The following GGA2 variants were observed in gnomAD, a reference collection of about 807,000 sequenced individuals.
The protein encoded by GGA2 is golgi associated, gamma adaptin ear containing, ARF binding protein 2.
In GGA2, 48 loss-of-function variants were observed where a neutral mutation model predicts 79.5. The ratio of observed to expected loss-of-function variants is 0.60; its 90% CI spans 0.48 to 0.77. The LOEUF (loss-of-function observed/expected upper bound fraction) is 0.77, where lower values mean the gene tolerates loss of function less well. Among genes scored for constraint, GGA2 ranks in the 30% least tolerant of loss-of-function variants. GGA2 has a pLI of 0.00. For synonymous variants in GGA2, 317 were observed against 302.0 expected (o/e 1.05, Z -0.51); for missense variants, 770 against 774.0 (o/e 0.99, Z 0.06).
intron 1 of GGA2, among the ~76,000 whole-genome samples, chr16:23,502,097 T>G (rs1439082226): frequency 1.3e-5 from 2 of 152,214 alleles, no homozygotes; most frequent in African/African-American, 4.8e-5. Context: ...GCTCCAGATT[T>G]GTGAGAGCAC....
upstream of GGA2, among the ~76,000 whole-genome samples, chr16:23,514,502 C>G (rs553469819): frequency 6.6e-6 from 1 of 152,008 alleles, no homozygotes; most frequent in East Asian, 1.9e-4. Context: ...GGCTGGAGTT[C>G]CGTGGCACCA....
At chr16:23,512,812 C>G (rs2142149907), upstream of GGA2, among the ~76,000 whole-genome samples, 1 of 147,892 alleles carries the variant, frequency 6.8e-6, no homozygotes, top group South Asian at 2.1e-4. Flanking sequence ...TCAAGTGATT[C>G]CCCTGCCTCA....
At chr16:23,478,950 TCC>T (rs1487694144) in intron 11 of GGA2, 39 bp from the exon 12 acceptor site, 16 of 1,385,974 alleles carry the variant, frequency 1.2e-5, no homozygotes, top group Non-Finnish European at 1.6e-5. Context: ...TAACAGTAAC[TCC>T]ACCTGCTTCC....
In GGA2 at chr16:23,491,797, G is replaced by A. The variant is rs1486917347; in HGVS notation, c.355C>T (p.Leu119=). 2 of 1,607,162 alleles carry A rather than the reference G, an allele frequency of 1.2e-6. No individual in the cohort carries two copies. Among genetic ancestry groups the A allele is most frequent in the Non-Finnish European group, 1.7e-6 (2 of 1,174,136 alleles). Residue 119 remains leucine (L), a synonymous_variant, in exon 5 of 17, where the codon CTG becomes TTG. Transcript: ENST00000309859. ...ELIKVLSPKY[L]GSWATGKVKG... is the part of the protein sequence containing the mutation. ...ACTTTTCCTGTGGCCCAGGACCCCA[G>A]GTACTGAAAGTAAAAAGGAAAGAGA...
rs1361677368 is a variant in GGA2 at position 23,464,358 on chromosome 16, A to G, written c.*3232T>C. 1 of 152,170 alleles carries G rather than the reference A, an allele frequency of 6.6e-6. No homozygotes were observed. Among genetic ancestry groups the G allele is most frequent in the Non-Finnish European group, 1.5e-5 (1 of 68,028 alleles). 9.4% of individuals were successfully genotyped at this position (152,170 alleles called of 1,614,324 possible). ...AAGGACTTTATTGTGGCTGTGGTGA[A>G]GCAGGCCCTGGTCTTGGCAGATGAT... On this transcript the variant is annotated 3_prime_UTR_variant, in exon 17 of 17. Transcript: ENST00000309859.
intron 5 of GGA2, among the ~76,000 whole-genome samples, chr16:23,491,305 T>TG (rs1964782506): frequency 8.1e-5 from 3 of 37,098 alleles, no homozygotes; most frequent in Non-Finnish European, 1.3e-4. Context: ...ACACCTTGTC[T>TG]CAAAAAAAAA....
intron 1 of GGA2, chr16:23,501,265 C>A: frequency 4.4e-6 from 2 of 454,498 alleles, no homozygotes; most frequent in South Asian, 3.1e-5. Context: ...ATGGTAGCAT[C>A]GCTCTGTGTC....
intron 11 of GGA2, 118 bp downstream of exon 11, chr16:23,479,645 CTT>C: frequency 1.7e-6 from 2 of 1,188,342 alleles, no homozygotes; most frequent in Non-Finnish European, 2.4e-6. Context: ...CCAGCTCACT[CTT>C]CCTATTCACA....
In GGA2 at chr16:23,486,168, G is replaced by C; in HGVS notation, c.661-16C>G. On this transcript the variant is annotated splice_polypyrimidine_tract_variant and intron_variant, in intron 7 of 16. Transcript: ENST00000309859. ...TTTCTTGTTCCTTTTGGGAAAAAGA[G>C]GAGGATGGGAGTGAGGGAGCAGAAA... The C allele has an allele frequency of 6.2e-7, 1 of 1,612,890 alleles. No individual in the cohort carries two copies. Among genetic ancestry groups the C allele is most frequent in the Non-Finnish European group, 8.5e-7 (1 of 1,178,930 alleles).
At chr16:23,498,414 T>G (rs1964882132) in intron 1 of GGA2, among the ~76,000 whole-genome samples, 1 of 151,820 alleles carries the variant, frequency 6.6e-6, no homozygotes, top group African/African-American at 2.4e-5. Context: ...GGGGACAAAA[T>G]GAGACCCCGT....
chr16:23,508,740 A>G (rs1391340681), intron 1 of GGA2, among the ~76,000 whole-genome samples: 1 of 152,116 alleles, frequency 6.6e-6, no homozygotes, highest in Non-Finnish European at 1.5e-5. Context: ...CCCAAACCGT[A>G]CGTCCCACAC....
At chr16:23,509,099 T>C (rs1321994926) in intron 1 of GGA2, among the ~76,000 whole-genome samples, 1 of 152,122 alleles carries the variant, frequency 6.6e-6, no homozygotes, top group Non-Finnish European at 1.5e-5. Flanking sequence ...TTTAGCACCA[T>C]ATGGCTGCAA....
At chr16:23,473,867 A>G (rs948496940) in intron 14 of GGA2, among the ~76,000 whole-genome samples, 1 of 152,250 alleles carries the variant, frequency 6.6e-6, no homozygotes, top group Non-Finnish European at 1.5e-5. Flanking sequence ...AAAATCAATA[A>G]AGAAATGTGC....
intron 13 of GGA2, among the ~76,000 whole-genome samples, chr16:23,475,443 G>A (rs1596977887): frequency 6.6e-6 from 1 of 151,794 alleles, no homozygotes; most frequent in Non-Finnish European, 1.5e-5. Context: ...GTCCGCCTCG[G>A]CCTCCCAAAG....
Position 23,493,373 on chromosome 16 carries a change from A to C in GGA2, c.338T>G (p.Val113Gly). Residue 113 changes from valine to glycine, a missense_variant, in exon 4 of 17, where the codon GTG (valine) becomes GGG (glycine). Physicochemically the swap from Val to Gly is moderately radical, Grantham distance 109. Coordinates refer to ENST00000309859, the MANE Select transcript of GGA2 (RefSeq NM_015044.4). The stretch of plus-strand genomic sequence containing the variant: ...CCAGGTACTCACCTTTGGGGACAAC[A>C]CTTTGATCAGTTCGTTCAGGAAACG... Reference protein sequence around the residue: ...KFRFLNELIKVLSPKYLGSWA... With the variant: ...KFRFLNELIKGLSPKYLGSWA... The C allele has an allele frequency of 6.2e-7, 1 of 1,600,352 alleles. No individual in the cohort carries two copies.
At chr16:23,476,224 C>T (rs1164682876) in intron 13 of GGA2, among the ~76,000 whole-genome samples, 1 of 152,122 alleles carries the variant, frequency 6.6e-6, no homozygotes, top group Non-Finnish European at 1.5e-5. Context: ...CCCACCCTGC[C>T]CGAGTGGCTG....
At chr16:23,478,975 A>G (rs1370583101) in intron 11 of GGA2, 64 bp from the exon 12 acceptor site, 2 of 1,079,816 alleles carry the variant, frequency 1.9e-6, no homozygotes, top group Non-Finnish European at 2.9e-6. Flanking sequence ...ATGAAGAGTA[A>G]TGCCACACCC....
rs1488746169 is a variant in GGA2 at position 23,510,398 on chromosome 16, G to A, written c.14C>T (p.Ala5Val). Residue 5 changes from alanine to valine, a missense_variant, in exon 1 of 17, where the codon GCG becomes GTG. By Grantham distance (64) the Ala-to-Val change is moderately conservative (BLOSUM62 0). Coordinates refer to ENST00000309859, the MANE Select transcript of GGA2 (RefSeq NM_015044.4). ...GGTTCCCGCCACAGCCGCCGCCACC[G>A]CGGTCGCCGCCATCGCTCCAGCCCC... MAAT[A>V]VAAAVAGTES... is the part of the protein sequence containing the mutation. The A allele has an allele frequency of 2.2e-6, 3 of 1,382,548 alleles. No individual in the cohort carries two copies. The highest frequency in any genetic ancestry group is 2.8e-6 in the Non-Finnish European group (3 of 1,062,246). The allele number at this position is 1,382,548 out of a possible 1,614,324, so 85.6% of individuals were successfully genotyped here.
chr16:23,492,608 C>T (rs1009916383), intron 4 of GGA2, among the ~76,000 whole-genome samples: 6 of 152,126 alleles, frequency 3.9e-5, no homozygotes, highest in South Asian at 2.1e-4. Flanking sequence ...CCCTCTTGCC[C>T]CACCAAGACC....
Sources: gnomAD v4.1 joint callset for allele counts (sites outside exome capture counted in the v4.1 genomes callset) on GRCh38, gnomAD v4.1.1 for gene constraint, MANE v1.5 for transcripts, NCBI Gene and HGNC (gene_info 2026-07-23, HGNC 2026-07-21) for gene names.